The following SORCS1 variants were observed in gnomAD, a reference collection of about 807,000 sequenced individuals.
SORCS1 encodes the protein sortilin related VPS10 domain containing receptor 1.
In SORCS1, 60 loss-of-function variants were observed where a neutral mutation model predicts 146.1. That is an observed-to-expected ratio of 0.41 (90% CI 0.33 to 0.51). The LOEUF (loss-of-function observed/expected upper bound fraction) is 0.51. Among genes scored for constraint, SORCS1 ranks in the 20% least tolerant of loss-of-function variants. The pLI, the probability that SORCS1 is intolerant of heterozygous loss-of-function variation, is 0.21. For missense variants in SORCS1, 1,352 were observed against 1,487.6 expected (o/e 0.91, Z 1.50); for synonymous variants, 637 against 584.0 (o/e 1.09, Z -1.31).
chr10:107,069,167 T>A (rs1474095012), intron 1 of SORCS1, among the ~76,000 whole-genome samples: 1 of 152,106 alleles, frequency 6.6e-6, no homozygotes, highest in Non-Finnish European at 1.5e-5. Flanking sequence ...GAGTGCAGCA[T>A]CCTCCAGCTA....
At chr10:106,687,968 G>C (rs1385420797) in intron 10 of SORCS1, among the ~76,000 whole-genome samples, 1 of 152,144 alleles carries the variant, frequency 6.6e-6, no homozygotes, top group Non-Finnish European at 1.5e-5. Flanking sequence ...CGGGAAACAA[G>C]GATCCTGGAA....
intron 1 of SORCS1, among the ~76,000 whole-genome samples, chr10:106,970,758 G>C (rs991349700): frequency 2.6e-5 from 4 of 151,386 alleles, no homozygotes; most frequent in Non-Finnish European, 5.9e-5. Context: ...TATTTTTTGA[G>C]ACTGAGTTTT....
chr10:106,989,670 GTTTTTTTTTGTTT>G (rs1407799947), intron 1 of SORCS1, among the ~76,000 whole-genome samples: 3,452 of 116,320 alleles, frequency 0.03, 97 homozygotes, highest in Non-Finnish European at 0.041. Context: ...TATTTTTTCT[GTTTTTTTTTGTTT>G]TTTTTTTTTT....
chr10:106,910,012 A>G (rs927588829), intron 2 of SORCS1, among the ~76,000 whole-genome samples: 2 of 152,194 alleles, frequency 1.3e-5, no homozygotes, highest in Non-Finnish European at 2.9e-5. Context: ...TCTTACCTAC[A>G]TACTGGAATT....
chr10:106,784,825 G>T (rs1004441626), intron 3 of SORCS1, among the ~76,000 whole-genome samples: 1 of 152,202 alleles, frequency 6.6e-6, no homozygotes, highest in Non-Finnish European at 1.5e-5. Flanking sequence ...GAGCAGGAAA[G>T]AGAAGCTATC....
At chr10:106,941,667 G>C (rs1036362011) in intron 2 of SORCS1, among the ~76,000 whole-genome samples, 3 of 152,162 alleles carry the variant, frequency 2.0e-5, no homozygotes, top group African/African-American at 7.2e-5. Flanking sequence ...GCCAAAGTAA[G>C]GTCAACTTAG....
chr10:106,890,410 C>A (rs1195453536), intron 2 of SORCS1, among the ~76,000 whole-genome samples: 1 of 151,974 alleles, frequency 6.6e-6, no homozygotes, highest in Non-Finnish European at 1.5e-5. Flanking sequence ...GATCTGACAA[C>A]CTGATTATAC....
At chr10:106,954,398 T>A (rs1271400385) in intron 2 of SORCS1, among the ~76,000 whole-genome samples, 1 of 152,102 alleles carries the variant, frequency 6.6e-6, no homozygotes, top group Non-Finnish European at 1.5e-5. Context: ...AGCAATATAG[T>A]AGGTGCGGGC....
At chr10:106,592,822 C>A (rs1246324798) in intron 24 of SORCS1, among the ~76,000 whole-genome samples, 2 of 151,304 alleles carry the variant, frequency 1.3e-5, no homozygotes, top group Non-Finnish European at 2.9e-5. Context: ...TTCCTAGCCA[C>A]CCAAATATTA....
At chr10:106,691,377 A>AC (rs1853283165) in intron 9 of SORCS1, among the ~76,000 whole-genome samples, 1 of 152,186 alleles carries the variant, frequency 6.6e-6, no homozygotes, top group Non-Finnish European at 1.5e-5. Flanking sequence ...AAAGATCTTT[A>AC]AGAATTCTAA....
chr10:106,872,927 C>A (rs1027405559), intron 2 of SORCS1, among the ~76,000 whole-genome samples: 6 of 152,090 alleles, frequency 3.9e-5, no homozygotes, highest in Admixed American at 3.9e-4. Context: ...GTAATCCCAG[C>A]ACTTTGGGAG....
intron 3 of SORCS1, among the ~76,000 whole-genome samples, chr10:106,818,555 G>A (rs375657758): frequency 2.6e-5 from 4 of 152,016 alleles, no homozygotes; most frequent in Admixed American, 6.6e-5. Context: ...TAATAGAAAC[G>A]GGGTTTCACC....
At chr10:107,091,956 C>T (rs537354876) in intron 1 of SORCS1, among the ~76,000 whole-genome samples, 2 of 152,276 alleles carry the variant, frequency 1.3e-5, no homozygotes, top group African/African-American at 4.8e-5. Flanking sequence ...TCAGAGTACA[C>T]GACACTGCAC....
At chr10:106,970,874 G>GATTACAGCTA in intron 1 of SORCS1, among the ~76,000 whole-genome samples, 1 of 150,748 alleles carries the variant, frequency 6.6e-6, no homozygotes, top group East Asian at 2.0e-4. Context: ...AAGTAGCTGG[G>GATTACAGCTA]ATTACAGGCA....
chr10:106,838,064 G>T (rs561262651), intron 2 of SORCS1, among the ~76,000 whole-genome samples: 4 of 152,284 alleles, frequency 2.6e-5, no homozygotes, highest in Admixed American at 2.6e-4. Context: ...GGCACTATTT[G>T]CTTTTGACTA....
At chr10:107,105,794 C>T (rs1223619228) in intron 1 of SORCS1, among the ~76,000 whole-genome samples, 1 of 152,184 alleles carries the variant, frequency 6.6e-6, no homozygotes, top group Non-Finnish European at 1.5e-5. Context: ...AACACCCTCC[C>T]AGACACACCC....
chr10:106,735,146 C>CAAAAAA (rs56273269), intron 5 of SORCS1, among the ~76,000 whole-genome samples: 4 of 128,680 alleles, frequency 3.1e-5, no homozygotes, highest in East Asian at 2.3e-4. Flanking sequence ...GACTCCATCT[C>CAAAAAA]AAAAAAAAAA....
At chr10:107,079,268 C>CT (rs1485865039) in intron 1 of SORCS1, among the ~76,000 whole-genome samples, 1 of 151,832 alleles carries the variant, frequency 6.6e-6, no homozygotes, top group African/African-American at 2.4e-5. Flanking sequence ...AAGAAAGACT[C>CT]TGAAAGACAT....
chr10:106,668,176 G>A (rs750934002), intron 16 of SORCS1, among the ~76,000 whole-genome samples: 18 of 152,146 alleles, frequency 1.2e-4, no homozygotes, highest in Non-Finnish European at 2.1e-4. Context: ...GAAATTCATC[G>A]CAGAGTTTAA....
Sources: allele counts gnomAD v4.1 joint callset (sites outside exome capture counted in the v4.1 genomes callset), GRCh38; gene constraint gnomAD v4.1.1; transcripts MANE v1.5; gene names NCBI Gene and HGNC (gene_info 2026-07-23, HGNC 2026-07-21).